Variants in COL5A2 observed in about 807,000 individuals in gnomAD.
COL5A2 encodes collagen type V alpha 2 chain, also known as collagen alpha-2(V) chain.
A neutral mutation model predicts 208.2 loss-of-function variants in COL5A2; 23 were observed. The observed-to-expected ratio is 0.11, with a 90% CI of 0.08 to 0.16. The LOEUF is 0.16. Ranked by LOEUF, COL5A2 falls within the 10% of genes least tolerant of loss-of-function variation. The pLI, the probability that COL5A2 is intolerant of heterozygous loss-of-function variation, is 1.00. For synonymous variants in COL5A2, 625 were observed against 628.5 expected (o/e 0.99, Z 0.08); for missense variants, 1,590 against 1,956.4 (o/e 0.81, Z 3.53).
In COL5A2 at chr2:189,186,110, A is replaced by G. The variant is rs553237307; in HGVS notation, c.-42+39038T>C. 6.6e-5 allele frequency among the ~76,000 whole-genome samples: 10 copies of G among 152,006 alleles called. No individual in the cohort carries two copies. The South Asian group carries it at 1.9e-3, about 29-fold the overall frequency. On this transcript the variant is annotated intron_variant, in intron 1 of 10. Transcript: ENST00000649966. ...ACTGCATCCTCGAACTCCTGAGCTC[A>G]AGGGATCCTCTCACCTCAGGCTCTT...
chr2:189,251,869 AG>A, the COL5A2 span, among the ~76,000 whole-genome samples: 1 of 152,190 alleles, frequency 6.6e-6, no homozygotes, highest in South Asian at 2.1e-4. Context: ...CATCTGACAA[AG>A]GAGTAATATC....
In COL5A2 at chr2:189,171,129, G is replaced by A. The variant is rs529699013; in HGVS notation, c.97+8379C>T. On this transcript the variant is annotated intron_variant, in intron 1 of 53. Coordinates refer to ENST00000374866, the MANE Select transcript of COL5A2 (RefSeq NM_000393.5). ...AGAGAGTGAGAGAGAGAGTTTGTGTGTGTCTGTGTGTGTTGGGGGTGGCAG... is the reference window on the plus strand; with the variant it reads ...AGAGAGTGAGAGAGAGAGTTTGTGTATGTCTGTGTGTGTTGGGGGTGGCAG... Among the ~76,000 whole-genome samples the A allele has an allele frequency of 3.6e-4, 54 of 152,092 alleles. 1 individual carries two copies. The highest frequency in any genetic ancestry group is 1.2e-3 in the African/African-American group (48 of 41,486).
chr2:189,209,918 A>G (rs902115062), intron 1 of COL5A2, among the ~76,000 whole-genome samples: 1 of 152,174 alleles, frequency 6.6e-6, no homozygotes, highest in African/African-American at 2.4e-5. Flanking sequence ...TTGACACTGG[A>G]GATAAAGATT....
chr2:189,366,151 G>A, the COL5A2 span, among the ~76,000 whole-genome samples: 2 of 152,030 alleles, frequency 1.3e-5, no homozygotes, highest in African/African-American at 4.8e-5. Context: ...AGGATTAATT[G>A]AGCTAAGAAA....
At chr2:189,362,683 C>T in the COL5A2 span, among the ~76,000 whole-genome samples, 1 of 152,136 alleles carries the variant, frequency 6.6e-6, no homozygotes, top group Non-Finnish European at 1.5e-5. Context: ...AACTTATCAG[C>T]TTTCCTATTC....
chr2:189,322,269 T>A, the COL5A2 span, among the ~76,000 whole-genome samples: 1 of 151,952 alleles, frequency 6.6e-6, no homozygotes, highest in Non-Finnish European at 1.5e-5. Flanking sequence ...TTAAAAGAAC[T>A]AGAGAAGCAA....
chr2:189,230,178 A>T (rs1689462707), upstream of COL5A2, among the ~76,000 whole-genome samples: 1 of 151,908 alleles, frequency 6.6e-6, no homozygotes, highest in East Asian at 1.9e-4. Context: ...ATACCCAAAA[A>T]TCAATGAAAA....
intron 1 of COL5A2, among the ~76,000 whole-genome samples, chr2:189,201,848 A>G (rs999167649): frequency 3.3e-5 from 5 of 151,954 alleles, no homozygotes; most frequent in African/African-American, 1.2e-4. Context: ...GTTATCTCGG[A>G]AAAGACATCT....
chr2:189,110,323 T>C lies in COL5A2; in HGVS notation c.224A>G (p.Glu75Gly). The C allele has an allele frequency of 6.2e-7, 1 of 1,614,184 alleles. No homozygotes were observed. The highest frequency in any genetic ancestry group is 8.5e-7 in the Non-Finnish European group (1 of 1,180,034). The change falls in exon 2 of 54, where the codon GAA (glutamate) becomes GGA (glycine). Residue 75 changes from glutamate (E) to glycine (G), a missense_variant. Coordinates refer to ENST00000374866, the MANE Select transcript of COL5A2 (RefSeq NM_000393.5). ...DNGAILCDKI[E>G]CQDVLDCADP... The stretch of plus-strand genomic sequence containing the variant: ...GGCACAGTCCAGCACATCCTGGCAT[T>C]CTATCTTGTCACAGAGAATGGCTCC...
At chr2:189,344,088 T>C in the COL5A2 span, among the ~76,000 whole-genome samples, 2 of 152,188 alleles carry the variant, frequency 1.3e-5, no homozygotes, top group African/African-American at 4.8e-5. Flanking sequence ...ATAATAAATG[T>C]ACATACACAT....
At chr2:189,372,342 G>C in the COL5A2 span, among the ~76,000 whole-genome samples, 1 of 152,112 alleles carries the variant, frequency 6.6e-6, no homozygotes. Flanking sequence ...ACAAATTTTA[G>C]CCACTCAAAG....
At chr2:189,228,427 A>G (rs1689444733), upstream of COL5A2, among the ~76,000 whole-genome samples, 1 of 151,906 alleles carries the variant, frequency 6.6e-6, no homozygotes, top group South Asian at 2.1e-4. Context: ...GAAGAAAAAA[A>G]GAGTGAAGAC....
chr2:189,393,250 T>C, the COL5A2 span, among the ~76,000 whole-genome samples: 7 of 152,214 alleles, frequency 4.6e-5, 1 homozygote, highest in South Asian at 1.5e-3. Context: ...AAAAGTACTA[T>C]GATTTTCCAA....
intron 16 of COL5A2, among the ~76,000 whole-genome samples, chr2:189,078,210 T>G (rs1686453158): frequency 6.6e-6 from 1 of 152,142 alleles, no homozygotes; most frequent in African/African-American, 2.4e-5. Context: ...CAAGTTTGTG[T>G]TTTTCTATGG....
the COL5A2 span, among the ~76,000 whole-genome samples, chr2:189,378,031 G>A: frequency 6.6e-6 from 1 of 152,070 alleles, no homozygotes; most frequent in South Asian, 2.1e-4. Context: ...GGAGAGCAAC[G>A]AGCTGCTTGT....
the COL5A2 span, among the ~76,000 whole-genome samples, chr2:189,320,749 A>G: frequency 1.3e-5 from 2 of 152,224 alleles, no homozygotes; most frequent in South Asian, 4.1e-4. Context: ...TCTTCAGGTT[A>G]TTATCCAGGA....
the COL5A2 span, among the ~76,000 whole-genome samples, chr2:189,427,685 T>C: frequency 6.6e-6 from 1 of 152,216 alleles, no homozygotes; most frequent in African/African-American, 2.4e-5. Flanking sequence ...AGCCCACCTT[T>C]TGTACCAGCA....
chr2:189,112,127 G>A (rs193164165), intron 1 of COL5A2, among the ~76,000 whole-genome samples: 4 of 152,198 alleles, frequency 2.6e-5, no homozygotes, highest in African/African-American at 9.6e-5. Context: ...AAAGTGCTGG[G>A]ATTACAGCCG....
the COL5A2 span, among the ~76,000 whole-genome samples, chr2:189,405,407 T>C: frequency 6.6e-6 from 1 of 151,958 alleles, no homozygotes; most frequent in African/African-American, 2.4e-5. Flanking sequence ...AATTTTTGTA[T>C]TTTCAGTAGA....
Sources: allele counts gnomAD v4.1 joint callset (sites outside exome capture counted in the v4.1 genomes callset), GRCh38; gene constraint gnomAD v4.1.1; transcripts MANE v1.5; gene names NCBI Gene and HGNC (gene_info 2026-07-23, HGNC 2026-07-21).